Variants in ITFG1 observed in about 807,000 individuals in gnomAD.
ITFG1 encodes the protein T-cell immunomodulatory protein.
A neutral mutation model predicts 81.8 loss-of-function variants in ITFG1; 34 were observed. That is an observed-to-expected ratio of 0.42 (90% CI 0.32 to 0.55). ITFG1 has a LOEUF of 0.55. Ranked by LOEUF, ITFG1 falls within the 20% of genes least tolerant of loss-of-function variation. The pLI is 0.17. For missense variants in ITFG1, 672 were observed against 755.4 expected, an observed-to-expected ratio of 0.89 and a Z score of 1.29; for synonymous variants, 285 against 270.6, an observed-to-expected ratio of 1.05 and a Z score of -0.52.
chr16:47,438,293 C>T (rs1297663261), intron 5 of ITFG1, among the ~76,000 whole-genome samples: 4 of 152,244 alleles, frequency 2.6e-5, no homozygotes, highest in African/African-American at 9.6e-5. Flanking sequence ...CAGCAATAAC[C>T]TCTGCAGACT....
intron 5 of ITFG1, among the ~76,000 whole-genome samples, chr16:47,434,799 A>C (rs1253729990): frequency 6.6e-6 from 1 of 152,344 alleles, no homozygotes; most frequent in East Asian, 1.9e-4. Context: ...AGGATAAAGA[A>C]AATGTGGTAC....
chr16:47,209,456 C>T (rs997113109), intron 14 of ITFG1, among the ~76,000 whole-genome samples: 4 of 152,132 alleles, frequency 2.6e-5, no homozygotes, highest in African/African-American at 9.7e-5. Flanking sequence ...TTTACCACCA[C>T]AGATCTTACA....
At chr16:47,198,869 C>T (rs1965388841) in intron 14 of ITFG1, among the ~76,000 whole-genome samples, 1 of 151,970 alleles carries the variant, frequency 6.6e-6, no homozygotes, top group Admixed American at 6.6e-5. Context: ...GTGTTTTAAG[C>T]TAAGTTATTA....
intron 16 of ITFG1, among the ~76,000 whole-genome samples, chr16:47,159,244 AT>A (rs1964762758): frequency 6.6e-6 from 1 of 152,134 alleles, no homozygotes; most frequent in South Asian, 2.1e-4. Flanking sequence ...ATATTTCAAT[AT>A]TTTTCATTTT....
chr16:47,414,681 C>T (rs750988491), intron 6 of ITFG1, among the ~76,000 whole-genome samples: 2 of 152,012 alleles, frequency 1.3e-5, no homozygotes, highest in African/African-American at 4.8e-5. Context: ...CAATTCCATT[C>T]GGATAAAAAA....
At chr16:47,230,873 C>A (rs1257735430) in intron 13 of ITFG1, among the ~76,000 whole-genome samples, 5 of 152,156 alleles carry the variant, frequency 3.3e-5, no homozygotes, top group African/African-American at 1.2e-4. Context: ...CTCAGCCTCC[C>A]GAGTAGCTGG....
At chr16:47,172,031 A>G (rs1021605365) in intron 14 of ITFG1, among the ~76,000 whole-genome samples, 1 of 152,190 alleles carries the variant, frequency 6.6e-6, no homozygotes, top group African/African-American at 2.4e-5. Context: ...CCTAAGACTT[A>G]TATATAATTA....
intron 13 of ITFG1, among the ~76,000 whole-genome samples, chr16:47,229,736 T>C (rs553393566): frequency 6.6e-6 from 1 of 151,868 alleles, no homozygotes; most frequent in African/African-American, 2.4e-5. Flanking sequence ...GGAAGAGGAC[T>C]GGGTTTTGGG....
chr16:47,177,461 G>A (rs1432453325), intron 14 of ITFG1, among the ~76,000 whole-genome samples: 1 of 152,064 alleles, frequency 6.6e-6, no homozygotes, highest in East Asian at 1.9e-4. Context: ...GGAGTTTATG[G>A]TCTACTCTGA....
At position 47,306,991 on chromosome 16, in the gene ITFG1, G is replaced by A. The variant is rs967053965; in HGVS notation, c.1070+4249C>T. 1.2e-4 allele frequency among the ~76,000 whole-genome samples: 18 copies of A among 150,272 alleles called. 1 individual carries two copies. The highest frequency in any genetic ancestry group is 9.3e-4 in the Admixed American group (14 of 15,002). ...CGCCTCTAGTCCCAGCTACTCAGGA[G>A]GCTGAGGCAGGAGAACGGCGTGAAC... On this transcript the variant is annotated intron_variant, in intron 10 of 17. Coordinates refer to ENST00000320640, the MANE Select transcript of ITFG1 (RefSeq NM_030790.5).
chr16:47,176,580 T>C (rs1965027026), intron 14 of ITFG1, among the ~76,000 whole-genome samples: 1 of 152,230 alleles, frequency 6.6e-6, no homozygotes, highest in Non-Finnish European at 1.5e-5. Flanking sequence ...TACATTTTAA[T>C]GGCCTGTTTC....
intron 6 of ITFG1, among the ~76,000 whole-genome samples, chr16:47,397,317 G>A (rs1482266418): frequency 2.0e-5 from 3 of 152,278 alleles, no homozygotes; most frequent in African/African-American, 2.4e-5. Context: ...GGAGCACAGG[G>A]GTCAGGGATG....
intron 14 of ITFG1, among the ~76,000 whole-genome samples, chr16:47,185,742 T>C (rs377063403): frequency 9.9e-5 from 15 of 151,744 alleles, no homozygotes; most frequent in African/African-American, 2.9e-4. Flanking sequence ...TAGCAGAAGG[T>C]AAGAAATAAC....
intron 10 of ITFG1, among the ~76,000 whole-genome samples, chr16:47,309,230 A>C (rs1191295052): frequency 1.3e-5 from 2 of 151,782 alleles, no homozygotes; most frequent in African/African-American, 4.8e-5. Flanking sequence ...CACCACGCCC[A>C]GCTAATTTTT....
chr16:47,460,901 T>C lies in ITFG1; in HGVS notation c.145A>G (p.Thr49Ala), dbSNP rs1316247225. 1.9e-6 allele frequency: 3 copies of C among 1,613,302 alleles called. No homozygotes were observed. The highest frequency in any genetic ancestry group is 1.3e-5 in the African/African-American group (1 of 74,870). The stretch of plus-strand genomic sequence containing the variant: ...TTGAGGTCCCCGAAAGCCGCAAGGG[T>C]GCCCCAGGCCTCGGCCCCAAAGAGC... Reference protein sequence around the residue: ...AELFGAEAWGTLAAFGDLNSD... With the variant: ...AELFGAEAWGALAAFGDLNSD... The change falls in exon 1 of 18, where the codon ACC (threonine) becomes GCC (alanine). Residue 49 changes from threonine to alanine, a missense_variant. Thr to Ala is a moderately conservative substitution (Grantham distance 58, BLOSUM62 0). Around this residue, in one of 3 missense-constraint regions of ITFG1, gnomAD observed 560 missense variants for 625.7 expected, o/e 0.90. Coordinates refer to ENST00000320640, the MANE Select transcript of ITFG1 (RefSeq NM_030790.5).
chr16:47,210,667 C>T (rs1182996109), intron 14 of ITFG1, among the ~76,000 whole-genome samples: 1 of 152,106 alleles, frequency 6.6e-6, no homozygotes, highest in Non-Finnish European at 1.5e-5. Context: ...CATTTATGTC[C>T]ATGATCCACT....
intron 14 of ITFG1, among the ~76,000 whole-genome samples, chr16:47,182,859 G>A (rs1026491363): frequency 4.6e-5 from 7 of 152,198 alleles, no homozygotes; most frequent in African/African-American, 7.2e-5. Flanking sequence ...CTGAGGTACC[G>A]GGTTCATCTC....
rs1965895317 is a variant in ITFG1, at chr16:47,237,994, A to G, written c.1345T>C (p.Cys449Arg). The G allele has an allele frequency of 6.8e-7, 1 of 1,473,450 alleles. No homozygotes were observed. The highest frequency in any genetic ancestry group is 9.2e-7 in the Non-Finnish European group (1 of 1,082,992). The allele number at this position is 1,473,450 out of a possible 1,614,324, so 91.3% of individuals were successfully genotyped here. Residue 449 changes from cysteine (C) to arginine (R), a missense_variant, in exon 13 of 18, where the codon TGT becomes CGT. By Grantham distance (180) the Cys-to-Arg change is radical. This residue lies in a region of ITFG1 where 560 missense variants were observed against 625.7 expected (regional missense o/e 0.90). Transcript: ENST00000320640. Reference protein sequence around the residue: ...FVKVIVLSGLCSNDCPRKITP... With the variant: ...FVKVIVLSGLRSNDCPRKITP... ...ATCTTACGAGGACAGTCATTAGAAC[A>G]CAGACCACTAAGAACTGTGGAAAAA...
intron 6 of ITFG1, among the ~76,000 whole-genome samples, chr16:47,401,867 T>C (rs1380446598): frequency 1.3e-5 from 2 of 151,758 alleles, no homozygotes; most frequent in Non-Finnish European, 2.9e-5. Context: ...GTTCCTTTGG[T>C]TTTTTTTCAC....
Sources: gnomAD v4.1 joint callset for allele counts (sites outside exome capture counted in the v4.1 genomes callset) on GRCh38, gnomAD v4.1.1 for gene constraint, gnomAD v4.1.1 regional missense constraint, MANE v1.5 for transcripts, NCBI Gene and HGNC (gene_info 2026-07-23, HGNC 2026-07-21) for gene names.